Variants in AP2A1 observed in about 807,000 individuals in gnomAD.
AP2A1 encodes the protein adaptor related protein complex 2 subunit alpha 1.
In AP2A1, 21 loss-of-function variants were observed where a neutral mutation model predicts 107.3. The ratio of observed to expected loss-of-function variants is 0.20; its 90% CI spans 0.14 to 0.28. The LOEUF (loss-of-function observed/expected upper bound fraction) is 0.28, where lower values mean the gene tolerates loss of function less well. AP2A1 is among the 10% of genes least tolerant of loss of function. The pLI is 1.00. For synonymous variants in AP2A1, 602 were observed against 564.8 expected (o/e 1.07, Z -0.93); for missense variants, 873 against 1,307.7 (o/e 0.67, Z 5.13).
intron 1 of AP2A1, among the ~76,000 whole-genome samples, chr19:49,774,532 A>G (rs1427379818): frequency 6.6e-6 from 1 of 152,060 alleles, no homozygotes; most frequent in Non-Finnish European, 1.5e-5. Flanking sequence ...TGCAAGCCAT[A>G]TATATGTTGA....
chr19:49,791,795 C>G, intron 4 of AP2A1, 140 bp from the exon 5 acceptor site: 3 of 1,129,026 alleles, frequency 2.7e-6, no homozygotes, highest in South Asian at 1.5e-5. Context: ...CAGCGCCAGA[C>G]TGGATCCTGC....
At chr19:49,784,230 C>T (rs2084711140) in intron 4 of AP2A1, among the ~76,000 whole-genome samples, 1 of 152,122 alleles carries the variant, frequency 6.6e-6, no homozygotes, top group Non-Finnish European at 1.5e-5. Context: ...AGTTCGAGAC[C>T]AGCCTGGCCA....
rs766432944 is a variant in AP2A1, at chr19:49,800,001, G to A, written c.1306G>A (p.Ala436Thr). ...GGTGGCCATCCTGGCCGAGAAGTAC[G>A]CCGTGGACTACAGCTGGTACGTGGA... ...LKVAILAEKY[A>T]VDYSWYVDTI... The change falls in exon 11 of 23, where the codon GCC becomes ACC. Residue 436 changes from alanine to threonine, a missense_variant. This residue lies in a region of AP2A1 where 213 missense variants were observed against 443.5 expected (regional missense o/e 0.48). Coordinates refer to ENST00000354293, the MANE Select transcript of AP2A1 (RefSeq NM_130787.3). 4 of 1,613,996 alleles carry A rather than the reference G, an allele frequency of 2.5e-6. No individual in the cohort carries two copies. Among genetic ancestry groups the A allele is most frequent in the African/African-American group, 1.3e-5 (1 of 75,070 alleles).
In AP2A1 at chr19:49,798,783, G is replaced by A. The variant is rs185024233; in HGVS notation, c.815-19G>A. ...GTGGGCAGGACACTCAGCCGGGGGC[G>A]TCCCCTTCGTTTCCCCAGAGGATGC... On this transcript the variant is annotated intron_variant, in intron 7 of 22. Transcript: ENST00000354293. The A allele has an allele frequency of 7.0e-5, 112 of 1,597,928 alleles. 1 individual carries two copies. In the East Asian group the frequency reaches 1.0e-3, roughly 15 times the overall value.
At chr19:49,778,501 T>C (rs969520656) in intron 1 of AP2A1, among the ~76,000 whole-genome samples, 2 of 152,166 alleles carry the variant, frequency 1.3e-5, no homozygotes, top group African/African-American at 4.8e-5. Flanking sequence ...GAGAATCACT[T>C]GAACCCAGGA....
At chr19:49,784,145 A>C (rs541286562) in intron 4 of AP2A1, among the ~76,000 whole-genome samples, 1 of 152,330 alleles carries the variant, frequency 6.6e-6, no homozygotes, top group Admixed American at 6.5e-5. Flanking sequence ...ATAAAACAGA[A>C]GGCCGGGCGT....
At chr19:49,782,222 G>T in intron 3 of AP2A1, 133 bp downstream of exon 3, 1 of 752,292 alleles carries the variant, frequency 1.3e-6, no homozygotes, top group Non-Finnish European at 2.0e-6. Context: ...GGGAGGAGGG[G>T]GTCTGGGGCT....
chr19:49,792,974 C>G lies in AP2A1; in HGVS notation c.604-17C>G, dbSNP rs570824520. 6.3e-7 allele frequency: 1 copy of G among 1,581,968 alleles called. No individual in the cohort carries two copies. The highest frequency in any genetic ancestry group is 2.3e-5 in the East Asian group (1 of 43,238). ...CCTCCCCCAGGGGCCTGACTTGTCT[C>G]TCCTCTGCCCCTGCAGGGTGTGGTC... On this transcript the variant is annotated splice_polypyrimidine_tract_variant and intron_variant, in intron 5 of 22. Coordinates refer to ENST00000354293, the MANE Select transcript of AP2A1 (RefSeq NM_130787.3).
intron 1 of AP2A1, among the ~76,000 whole-genome samples, chr19:49,774,391 C>T (rs1210198292): frequency 8.5e-5 from 13 of 152,130 alleles, no homozygotes; most frequent in Middle Eastern, 6.8e-3. Context: ...CCAAATAGTT[C>T]GCCCTGCTGA....
intron 1 of AP2A1, among the ~76,000 whole-genome samples, chr19:49,780,430 G>A (rs1039130590): frequency 1.2e-4 from 19 of 152,216 alleles, no homozygotes; most frequent in African/African-American, 4.1e-4. Context: ...AGGCCCTTGA[G>A]GCAAGAGGAT....
intron 6 of AP2A1, 48 bp from the exon 7 acceptor site, chr19:49,795,582 G>GCCCCACCC: frequency 2.9e-6 from 2 of 692,050 alleles, no homozygotes; most frequent in Non-Finnish European, 2.7e-6. Context: ...GGACCCACGT[G>GCCCCACCC]CCCCTCCCAC....
chr19:49,769,448 A>G (rs1482686632), intron 1 of AP2A1, among the ~76,000 whole-genome samples: 1 of 152,118 alleles, frequency 6.6e-6, no homozygotes, highest in African/African-American at 2.4e-5. Flanking sequence ...GGAGGAAGTC[A>G]TATCTGAGTG....
At chr19:49,805,599 G>A (rs1416519804) in intron 19 of AP2A1, 23 bp downstream of exon 19, 5 of 1,559,588 alleles carry the variant, frequency 3.2e-6, no homozygotes, top group African/African-American at 2.7e-5. Context: ...CGGCGCGGCC[G>A]GTGGGCGGAG....
Position 49,801,663 on chromosome 19 carries a change from C to A in AP2A1, c.1785+42C>A, listed in dbSNP as rs542916736. 2.6e-4 allele frequency: 395 copies of A among 1,525,246 alleles called. 1 individual carries two copies. Among genetic ancestry groups the A allele is most frequent in the Middle Eastern group, 6.0e-4 (3 of 4,972 alleles). 94.5% of individuals were successfully genotyped at this position (1,525,246 alleles called of 1,614,324 possible). A position where few individuals can be genotyped will look rare whatever the true frequency, so the allele number is the denominator to read the frequency against. On this transcript the variant is annotated intron_variant, in intron 13 of 22. Coordinates refer to ENST00000354293, the MANE Select transcript of AP2A1 (RefSeq NM_130787.3). Reference sequence around the variant, plus strand: ...CCCACCCCACCCCTCTTGCACACCCCCTTCCCGCCCTCCCCTCCTCCTGAC... The same window carrying A: ...CCCACCCCACCCCTCTTGCACACCCACTTCCCGCCCTCCCCTCCTCCTGAC...
At chr19:49,783,729 T>C (rs989334212) in intron 4 of AP2A1, among the ~76,000 whole-genome samples, 1 of 152,210 alleles carries the variant, frequency 6.6e-6, no homozygotes, top group Admixed American at 6.5e-5. Flanking sequence ...AGTATCGGTT[T>C]TGGGGCCCTG....
chr19:49,774,334 C>CAA (rs1234962658), intron 1 of AP2A1, among the ~76,000 whole-genome samples: 1 of 152,094 alleles, frequency 6.6e-6, no homozygotes, highest in Non-Finnish European at 1.5e-5. Flanking sequence ...AATGAACATG[C>CAA]AAACCCTTAA....
chr19:49,801,788 C>T lies in AP2A1; in HGVS notation c.1852C>T (p.Arg618Cys), dbSNP rs1291777476. Reference protein sequence around the residue: ...RESSILAKLKRKKGPGAGSAL... With the variant: ...RESSILAKLKCKKGPGAGSAL... Reference sequence around the variant, plus strand: ...GTCGTCCATCCTGGCCAAGCTGAAACGCAAGAAGGGGCCAGGGGCCGGCAG... The same window carrying T: ...GTCGTCCATCCTGGCCAAGCTGAAATGCAAGAAGGGGCCAGGGGCCGGCAG... The change falls in exon 14 of 23, where the codon CGC (arginine) becomes TGC (cysteine). Residue 618 changes from arginine (R) to cysteine (C), a missense_variant. Physicochemically the swap from Arg to Cys is radical, Grantham distance 180 (BLOSUM62 -3). Around this residue, in one of 4 missense-constraint regions of AP2A1, gnomAD observed 416 missense variants for 473.4 expected, o/e 0.88. Coordinates refer to ENST00000354293, the MANE Select transcript of AP2A1 (RefSeq NM_130787.3). 3 of 1,568,170 alleles carry T rather than the reference C, an allele frequency of 1.9e-6. No homozygotes were observed. The highest frequency in any genetic ancestry group is 1.2e-5 in the South Asian group (1 of 84,930).
chr19:49,772,270 T>TTTTTTA, intron 1 of AP2A1, among the ~76,000 whole-genome samples: 1 of 136,680 alleles, frequency 7.3e-6, no homozygotes, highest in African/African-American at 2.7e-5. Flanking sequence ...TTTTTTTTTT[T>TTTTTTA]TTTTTTTGAG....
intron 22 of AP2A1, 81 bp from the exon 23 acceptor site, chr19:49,806,600 C>T (rs2073393731): frequency 6.4e-7 from 1 of 1,553,518 alleles, no homozygotes; most frequent in Admixed American, 1.8e-5. Flanking sequence ...CTTTATCCTT[C>T]CTTCCTTCTA....
Sources: allele counts gnomAD v4.1 joint callset (sites outside exome capture counted in the v4.1 genomes callset), GRCh38; gene constraint gnomAD v4.1.1; regional missense constraint gnomAD v4.1.1; transcripts MANE v1.5; gene names NCBI Gene and HGNC (gene_info 2026-07-23, HGNC 2026-07-21).